Variants in ATP5MC2 observed in about 807,000 individuals in gnomAD.
ATP5MC2 encodes ATP synthase F(0) complex subunit C2, mitochondrial.
A neutral mutation model predicts 13.5 loss-of-function variants in ATP5MC2; 11 were observed. The ratio of observed to expected loss-of-function variants is 0.81; its 90% CI spans 0.51 to 1.35. ATP5MC2 has a LOEUF of 1.35. ATP5MC2 is among the 40% of genes most tolerant of loss of function. The pLI, the probability that ATP5MC2 is intolerant of heterozygous loss-of-function variation, is 0.00. For missense variants in ATP5MC2, 132 were observed against 175.0 expected (o/e 0.75, Z 1.39); for synonymous variants, 64 against 69.7 (o/e 0.92, Z 0.41).
In ATP5MC2 at chr12:53,672,602, A is replaced by G. The variant is rs988913494; in HGVS notation, c.13T>C (p.Ser5Pro). The change falls in exon 2 of 5, where the codon TCC becomes CCC. Residue 5 changes from serine (S) to proline (P), a missense_variant. Coordinates refer to ENST00000394349, the MANE Select transcript of ATP5MC2 (RefSeq NM_005176.7). Reference sequence around the variant, plus strand: ...AAGGAGGGAGTGGAGACAAACTTGGAGCAGGCGAACATTTTCAGGGGGTGA... The same window carrying G: ...AAGGAGGGAGTGGAGACAAACTTGGGGCAGGCGAACATTTTCAGGGGGTGA... MFAC[S>P]KFVSTPSLVK... 1.3e-6 allele frequency: 2 copies of G among 1,584,868 alleles called. No homozygotes were observed. Among genetic ancestry groups the G allele is most frequent in the Non-Finnish European group, 1.7e-6 (2 of 1,165,292 alleles).
intron 4 of ATP5MC2, among the ~76,000 whole-genome samples, chr12:53,666,281 CAA>C (rs1944912217): frequency 6.7e-6 from 1 of 149,760 alleles, no homozygotes; most frequent in African/African-American, 2.5e-5. Flanking sequence ...CTGTCTCTAC[CAA>C]AAATACAAAA....
At chr12:53,669,570 G>C (rs1449643082) in intron 3 of ATP5MC2, among the ~76,000 whole-genome samples, 1 of 152,170 alleles carries the variant, frequency 6.6e-6, no homozygotes, top group Non-Finnish European at 1.5e-5. Flanking sequence ...GTCTATTCTT[G>C]CTGCCCCAAG....
upstream of ATP5MC2, among the ~76,000 whole-genome samples, chr12:53,678,373 CCATCATCACCAT>C (rs1397285532): frequency 1.8e-5 from 2 of 112,376 alleles, no homozygotes; most frequent in African/African-American, 5.7e-5. Flanking sequence ...ACCATCACCA[CCATCATCACCAT>C]CATCATCACT....
intron 2 of ATP5MC2, among the ~76,000 whole-genome samples, chr12:53,670,756 G>A (rs1446424429): frequency 6.6e-6 from 1 of 151,766 alleles, no homozygotes. Context: ...CCAAGTAGCT[G>A]GGACTACAGG....
At chr12:53,669,513 G>A (rs1945031187) in intron 3 of ATP5MC2, among the ~76,000 whole-genome samples, 172 bp from the exon 4 acceptor site, 1 of 152,162 alleles carries the variant, frequency 6.6e-6, no homozygotes, top group African/African-American at 2.4e-5. Flanking sequence ...GACTTCAAAT[G>A]CCTTTAAGAT....
chr12:53,665,640 C>A (rs1944892648), intron 4 of ATP5MC2, among the ~76,000 whole-genome samples: 1 of 152,188 alleles, frequency 6.6e-6, no homozygotes, highest in African/African-American at 2.4e-5. Flanking sequence ...AATCTAAAAT[C>A]CTGTAACATG....
chr12:53,678,539 C>T (rs146533962), upstream of ATP5MC2, among the ~76,000 whole-genome samples: 1 of 152,192 alleles, frequency 6.6e-6, no homozygotes, highest in African/African-American at 2.4e-5. Context: ...TCATACAAAA[C>T]AAGTTATTTT....
intron 2 of ATP5MC2, among the ~76,000 whole-genome samples, chr12:53,671,686 T>A (rs779045647): frequency 6.6e-6 from 1 of 152,146 alleles, no homozygotes; most frequent in Non-Finnish European, 1.5e-5. Context: ...AATAACTTGA[T>A]CTTGGTCTAG....
intron 4 of ATP5MC2, among the ~76,000 whole-genome samples, chr12:53,666,171 C>T (rs542669512): frequency 5.3e-5 from 8 of 151,830 alleles, no homozygotes; most frequent in African/African-American, 1.7e-4. Context: ...AGGCCAGGCG[C>T]GGTGGCTCAC....
upstream of ATP5MC2, among the ~76,000 whole-genome samples, chr12:53,680,966 G>C (rs900477265): frequency 9.2e-5 from 14 of 152,176 alleles, no homozygotes; most frequent in Admixed American, 7.2e-4. Flanking sequence ...GAGTGCAGTG[G>C]CATGATCTTG....
At chr12:53,667,902 TTTC>T (rs1300123824) in intron 4 of ATP5MC2, among the ~76,000 whole-genome samples, 1 of 146,536 alleles carries the variant, frequency 6.8e-6, no homozygotes, top group East Asian at 2.0e-4. Flanking sequence ...TTCATGAAAC[TTTC>T]TTCAATGACA....
chr12:53,669,024 C>T, intron 4 of ATP5MC2, 124 bp downstream of exon 4: 1 of 1,341,554 alleles, frequency 7.5e-7, no homozygotes, highest in Non-Finnish European at 9.8e-7. Flanking sequence ...TCAAAACAAA[C>T]AAACAAACAA....
At chr12:53,672,465 GC>G in intron 2 of ATP5MC2, 110 bp downstream of exon 2, 2 of 1,161,040 alleles carry the variant, frequency 1.7e-6, no homozygotes, top group Admixed American at 2.0e-5. Flanking sequence ...CAAGTGATCT[GC>G]CCGCCTGGAC....
Position 53,668,547 on chromosome 12 carries a change from C to T in ATP5MC2, c.311+601G>A, listed in dbSNP as rs117829022. ...CTCGAACTCCTGACCTCAAGCGATT[C>T]ACCTGCCCTGGCCTCCCAAAGTGCT... On this transcript the variant is annotated intron_variant, in intron 4 of 4. Coordinates refer to ENST00000394349, the MANE Select transcript of ATP5MC2 (RefSeq NM_005176.7). Among the ~76,000 whole-genome samples the T allele has an allele frequency of 1.3e-3, 190 of 151,420 alleles. 1 individual carries two copies. In the East Asian group the frequency reaches 0.028, roughly 22 times the overall value.
At position 53,669,272 on chromosome 12, in the gene ATP5MC2, C is replaced by T. The variant is rs145981161; in HGVS notation, c.187G>A (p.Ala63Thr). Residue 63 changes from alanine to threonine, a missense_variant, in exon 4 of 5, where the codon GCC (alanine) becomes ACC (threonine). Ala to Thr is a moderately conservative substitution (Grantham distance 58). Coordinates refer to ENST00000394349, the MANE Select transcript of ATP5MC2 (RefSeq NM_005176.7). ...GCTGTGTCGATGTCCCTTGAAATGG[C>T]GCTGGTTTGGAAGCTGCGGCTAGAG... ...LVSSRSFQTS[A>T]ISRDIDTAAK... The T allele has an allele frequency of 1.8e-3, 2,860 of 1,614,038 alleles. 8 individuals carry two copies. Among genetic ancestry groups the T allele is most frequent in the South Asian group, 4.2e-3 (380 of 91,076 alleles).
intron 2 of ATP5MC2, among the ~76,000 whole-genome samples, chr12:53,672,079 G>C (rs1212719334): frequency 7.5e-5 from 2 of 26,788 alleles, no homozygotes; most frequent in Non-Finnish European, 1.1e-4. Context: ...GCGAAACTCT[G>C]TCTCAAAAAA....
chr12:53,675,766 C>T (rs1006187042), intron 1 of ATP5MC2, among the ~76,000 whole-genome samples: 4 of 152,180 alleles, frequency 2.6e-5, no homozygotes, highest in African/African-American at 9.7e-5. Flanking sequence ...AGAGTGTTTG[C>T]AGGGACTGGG....
upstream of ATP5MC2, chr12:53,676,280 G>A: frequency 6.4e-7 from 1 of 1,554,130 alleles, no homozygotes; most frequent in Admixed American, 1.9e-5. Context: ...AGCGCCGACT[G>A]CAGAAATGAG....
At position 53,669,399 on chromosome 12, in the gene ATP5MC2, T is replaced by C; in HGVS notation, c.118-58A>G. 2.6e-6 allele frequency: 4 copies of C among 1,516,680 alleles called. No individual in the cohort carries two copies. The Admixed American group carries it at 8.8e-5, about 33-fold the overall frequency. The allele number at this position is 1,516,680 out of a possible 1,614,324, so 94.0% of individuals were successfully genotyped here. A position where few individuals can be genotyped will look rare whatever the true frequency, so the allele number is the denominator to read the frequency against. On this transcript the variant is annotated intron_variant, in intron 3 of 4. Transcript: ENST00000394349. ...TTTTGCTTTGGTAACTTTTGTACCA[T>C]TTAAAACCCTTTAAGCTGCCAAATC...
Sources: gnomAD v4.1 joint callset for allele counts (sites outside exome capture counted in the v4.1 genomes callset) on GRCh38, gnomAD v4.1.1 for gene constraint, MANE v1.5 for transcripts, NCBI Gene and HGNC (gene_info 2026-07-23, HGNC 2026-07-21) for gene names.